USP8: variants seen among roughly 807,000 people sequenced by gnomAD.
USP8 encodes the protein ubiquitin specific peptidase 8, also known as ubiquitin carboxyl-terminal hydrolase 8.
A neutral mutation model predicts 130.0 loss-of-function variants in USP8; 27 were observed. That is an observed-to-expected ratio of 0.21 (90% confidence interval 0.15 to 0.29). The LOEUF (loss-of-function observed/expected upper bound fraction) is 0.29, where lower values mean the gene tolerates loss of function less well. Ranked by LOEUF, USP8 falls within the 10% of genes least tolerant of loss-of-function variation. The pLI is 1.00. For missense variants in USP8, 1,029 were observed against 1,312.2 expected (o/e 0.78, Z 3.33); for synonymous variants, 392 against 444.1 (o/e 0.88, Z 1.48).
chr15:50,508,508 T>C lies in USP8; in HGVS notation c.*9420T>C, dbSNP rs1308573046. 1 of 152,174 alleles carries C rather than the reference T, an allele frequency of 6.6e-6. No homozygotes were observed. The highest frequency in any genetic ancestry group is 1.9e-4 in the East Asian group (1 of 5,196). The allele number at this position is 152,174 out of a possible 1,614,324, so 9.4% of individuals were successfully genotyped here. ...GGAGATAGACATTTGTAGTTTTAAATACTTATATCTTAAAGGATAGACTGA... is the reference window on the plus strand; with the variant it reads ...GGAGATAGACATTTGTAGTTTTAAACACTTATATCTTAAAGGATAGACTGA... On this transcript the variant is annotated 3_prime_UTR_variant, in exon 20 of 20. Transcript: ENST00000307179.
intron 1 of USP8, 48 bp downstream of exon 1, chr15:50,424,562 C>A: frequency 2.5e-6 from 1 of 398,512 alleles, no homozygotes; most frequent in South Asian, 1.3e-4. Flanking sequence ...GGAAGTCGTC[C>A]GCTGTGAACG....
Position 50,500,088 on chromosome 15 carries a change from A to G in USP8, c.*1000A>G, listed in dbSNP as rs949974475. The G allele has an allele frequency of 3.3e-5, 5 of 152,234 alleles. No homozygotes were observed. The highest frequency in any genetic ancestry group is 7.2e-5 in the African/African-American group (3 of 41,456). 9.4% of individuals were successfully genotyped at this position (152,234 alleles called of 1,614,324 possible). On this transcript the variant is annotated 3_prime_UTR_variant, in exon 20 of 20. Coordinates refer to ENST00000307179, the MANE Select transcript of USP8 (RefSeq NM_005154.5). The stretch of plus-strand genomic sequence containing the variant: ...ATATATATAGTCAGTAAAACACTCC[A>G]TATAAAAATAAGATTCTAAAAGTGC...
At chr15:50,437,602 T>C (rs1199876178) in intron 1 of USP8, among the ~76,000 whole-genome samples, 1 of 152,256 alleles carries the variant, frequency 6.6e-6, no homozygotes, top group Non-Finnish European at 1.5e-5. Flanking sequence ...CGAGGCCTAC[T>C]GTTGCAAGCT....
Position 50,465,108 on chromosome 15 carries a change from A to G in USP8, c.603A>G (p.Ile201Met), listed in dbSNP as rs568390027. ...CGGATAAAAACATCAGCTTGATTAT[A>G]ATGGATGCTCGAAGAATGCAGGATT... ...MMTDKNISLI[I>M]MDARRMQDYQ... Residue 201 changes from isoleucine (I) to methionine (M), a missense_variant, in exon 7 of 20, where the codon ATA becomes ATG. Physicochemically the swap from Ile to Met is conservative, Grantham distance 10. Coordinates refer to ENST00000307179, the MANE Select transcript of USP8 (RefSeq NM_005154.5). 1.9e-6 allele frequency: 3 copies of G among 1,614,084 alleles called. No homozygotes were observed. In the South Asian group the frequency reaches 3.3e-5, roughly 18 times the overall value.
At chr15:50,461,217 C>G (rs550669589) in intron 5 of USP8, among the ~76,000 whole-genome samples, 6 of 152,172 alleles carry the variant, frequency 3.9e-5, no homozygotes, top group Admixed American at 3.3e-4. Context: ...GTCTTGAACT[C>G]CCAACCTCAG....
chr15:50,468,401 C>G (rs959107836), intron 7 of USP8, among the ~76,000 whole-genome samples: 7 of 151,150 alleles, frequency 4.6e-5, no homozygotes, highest in Admixed American at 4.6e-4. Context: ...CGCCACCACA[C>G]CCGGCTAATT....
At chr15:50,495,304 GTGTATATATAC>G (rs2052345749) in intron 16 of USP8, among the ~76,000 whole-genome samples, 2 of 55,214 alleles carry the variant, frequency 3.6e-5, no homozygotes, top group Admixed American at 2.2e-4. Flanking sequence ...ACATATATAC[GTGTATATATAC>G]ATACATATAT....
At chr15:50,426,689 T>C (rs1475428921) in intron 1 of USP8, among the ~76,000 whole-genome samples, 12 of 152,134 alleles carry the variant, frequency 7.9e-5, no homozygotes, top group Admixed American at 7.9e-4. Context: ...AGAATACATG[T>C]TTGAGGAGTC....
chr15:50,490,342 C>T lies in USP8; in HGVS notation c.2051C>T (p.Ala684Val). The change falls in exon 14 of 20, where the codon GCT becomes GTT. Residue 684 changes from alanine to valine, a missense_variant. Transcript: ENST00000307179. ...GTTCATATGTACCCACCGGAAATGG[C>T]TCCTTCATCTGCACCTCCTTCCACC... The part of the protein sequence containing the change: ...NTVHMYPPEM[A>V]PSSAPPSTPP... 6.2e-7 allele frequency: 1 copy of T among 1,613,836 alleles called. No individual in the cohort carries two copies. Among genetic ancestry groups the T allele is most frequent in the Non-Finnish European group, 8.5e-7 (1 of 1,180,002 alleles).
chr15:50,444,197 A>G (rs1262102549), intron 3 of USP8, among the ~76,000 whole-genome samples: 1 of 147,724 alleles, frequency 6.8e-6, no homozygotes. Flanking sequence ...TCCACCTCCC[A>G]AGTTCAAGTG....
chr15:50,495,466 CT>C (rs1331946666), intron 16 of USP8, among the ~76,000 whole-genome samples: 2 of 140,530 alleles, frequency 1.4e-5, no homozygotes, highest in African/African-American at 2.8e-5. Context: ...TTAGCTTTTT[CT>C]TTTTTTAGTA....
intron 4 of USP8, among the ~76,000 whole-genome samples, chr15:50,454,648 G>T (rs56396299): frequency 0.22 from 32,634 of 151,176 alleles, 3,845 homozygotes; most frequent in East Asian, 0.46. Flanking sequence ...AGAGATAGGG[G>T]TTTACCATGT....
At chr15:50,494,894 A>G (rs1440202587) in intron 16 of USP8, among the ~76,000 whole-genome samples, 4 of 152,132 alleles carry the variant, frequency 2.6e-5, no homozygotes, top group Non-Finnish European at 5.9e-5. Context: ...ATGTGCCTGT[A>G]ATCCCAGCTA....
intron 10 of USP8, among the ~76,000 whole-genome samples, chr15:50,479,002 C>T (rs1036765818): frequency 7.2e-5 from 11 of 151,744 alleles, no homozygotes; most frequent in African/African-American, 1.2e-4. Context: ...TGTAGTGAGC[C>T]GAGATCAGGC....
rs1483664093 is a variant in USP8 at position 50,504,385 on chromosome 15, A to G, written c.*5297A>G. On this transcript the variant is annotated 3_prime_UTR_variant, in exon 20 of 20. Coordinates refer to ENST00000307179, the MANE Select transcript of USP8 (RefSeq NM_005154.5). The stretch of plus-strand genomic sequence containing the variant: ...CACAAAATACAAAAATTGACCAGGC[A>G]TAGTGGCACGTGCCTATAGTCCCAG... 2 of 152,380 alleles carry G rather than the reference A, an allele frequency of 1.3e-5. No individual in the cohort carries two copies. Among genetic ancestry groups the G allele is most frequent in the East Asian group, 1.9e-4 (1 of 5,204 alleles). 9.4% of individuals were successfully genotyped at this position (152,380 alleles called of 1,614,324 possible). A position where few individuals can be genotyped will look rare whatever the true frequency, so the allele number is the denominator to read the frequency against.
rs1488894533 is a variant in USP8, at chr15:50,509,272, A to T, written c.*10184A>T. On this transcript the variant is annotated 3_prime_UTR_variant, in exon 20 of 20. Coordinates refer to ENST00000307179, the MANE Select transcript of USP8 (RefSeq NM_005154.5). ...GCAGAGGTTGCAGTGAGCCAAGATC[A>T]CACCACTGCACTCCAGCCTGGGAGA... The T allele has an allele frequency of 6.6e-6, 1 of 152,002 alleles. No homozygotes were observed. Among genetic ancestry groups the T allele is most frequent in the Non-Finnish European group, 1.5e-5 (1 of 68,160 alleles). The allele number at this position is 152,002 out of a possible 1,614,324, so 9.4% of individuals were successfully genotyped here.
chr15:50,492,978 TTAGTCC>T, intron 15 of USP8, 65 bp downstream of exon 15: 1 of 1,437,452 alleles, frequency 7.0e-7, no homozygotes, highest in Non-Finnish European at 9.7e-7. Context: ...ATTTACTGTC[TTAGTCC>T]ATTAGTTTTC....
chr15:50,436,873 T>C (rs1207532376), intron 1 of USP8, among the ~76,000 whole-genome samples: 1 of 152,206 alleles, frequency 6.6e-6, no homozygotes, highest in Non-Finnish European at 1.5e-5. Flanking sequence ...TTTCACCATG[T>C]TGACCAGGCT....
chr15:50,499,150 C>CT lies in USP8; in HGVS notation c.*64dup, dbSNP rs2052525118. The CT allele has an allele frequency of 6.8e-7, 1 of 1,479,636 alleles. No individual in the cohort carries two copies. Among genetic ancestry groups the CT allele is most frequent in the African/African-American group, 1.4e-5 (1 of 71,204 alleles). The allele number at this position is 1,479,636 out of a possible 1,614,324, so 91.7% of individuals were successfully genotyped here. On this transcript the variant is annotated 3_prime_UTR_variant, in exon 20 of 20. Transcript: ENST00000307179. Reference sequence around the variant, plus strand: ...GCTCAGCAACACAACTCTTGAAATGCTTATCAGGATAATGGTAGCTATAGC... The same window carrying CT: ...GCTCAGCAACACAACTCTTGAAATGCTTTATCAGGATAATGGTAGCTATAGC...
Sources: allele counts gnomAD v4.1 joint callset (sites outside exome capture counted in the v4.1 genomes callset), GRCh38; gene constraint gnomAD v4.1.1; transcripts MANE v1.5; gene names NCBI Gene and HGNC (gene_info 2026-07-23, HGNC 2026-07-21).